The following EYS variants were observed in gnomAD, a reference collection of about 807,000 sequenced individuals.
The protein encoded by EYS is protein eyes shut homolog.
A neutral mutation model predicts 282.1 loss-of-function variants in EYS; 250 were observed. The observed-to-expected ratio is 0.89, with a 90% CI of 0.80 to 0.98. EYS has a LOEUF of 0.98. Among genes scored for constraint, EYS ranks in the 50% least tolerant of loss-of-function variants. The pLI, the probability that EYS is intolerant of heterozygous loss-of-function variation, is 0.00. For missense variants in EYS, 4,016 were observed against 3,709.0 expected, an observed-to-expected ratio of 1.08 and a Z score of -2.15; for synonymous variants, 1,355 against 1,282.9, an observed-to-expected ratio of 1.06 and a Z score of -1.20.
intron 18 of EYS, among the ~76,000 whole-genome samples, chr6:64,898,585 C>T (rs1455707210): frequency 6.6e-6 from 1 of 151,854 alleles, no homozygotes; most frequent in Non-Finnish European, 1.5e-5. Context: ...ATGACAGGAT[C>T]AAATTAAACA....
chr6:65,319,301 A>C (rs1473466860), intron 11 of EYS, among the ~76,000 whole-genome samples: 1 of 150,326 alleles, frequency 6.7e-6, no homozygotes, highest in Non-Finnish European at 1.5e-5. Context: ...AATCTCTTTA[A>C]CCCAGGAAGC....
At chr6:64,756,832 T>C (rs1322059016) in intron 22 of EYS, among the ~76,000 whole-genome samples, 1 of 150,222 alleles carries the variant, frequency 6.7e-6, no homozygotes, top group Non-Finnish European at 1.5e-5. Context: ...AAAATAACAA[T>C]AACAAATCAA....
At chr6:64,167,090 A>G (rs1427386130) in intron 31 of EYS, among the ~76,000 whole-genome samples, 1 of 152,244 alleles carries the variant, frequency 6.6e-6, no homozygotes, top group Non-Finnish European at 1.5e-5. Context: ...CTTTGATAGA[A>G]GAAGTGAGAA....
At chr6:65,614,841 T>G (rs1338873612) in intron 2 of EYS, among the ~76,000 whole-genome samples, 1 of 150,822 alleles carries the variant, frequency 6.6e-6, no homozygotes, top group Non-Finnish European at 1.5e-5. Context: ...TCAAATACAA[T>G]CTATGCATAT....
At chr6:64,056,769 G>C (rs1246280019) in intron 33 of EYS, among the ~76,000 whole-genome samples, 1 of 152,178 alleles carries the variant, frequency 6.6e-6, no homozygotes, top group East Asian at 1.9e-4. Context: ...GGTGGGAGCT[G>C]TACTTAGGTG....
rs566912245 is a variant in EYS, at chr6:63,998,482, A to T, written c.6834+593T>A. ...TAATTATACAGATTAATTCTCCATG[A>T]TGATCAAATGAACTAGGAATTTTTA... On this transcript the variant is annotated intron_variant, in intron 34 of 42. Coordinates refer to ENST00000503581, the MANE Select transcript of EYS (RefSeq NM_001142800.2). Among the ~76,000 whole-genome samples the T allele has an allele frequency of 7.2e-5, 11 of 152,352 alleles. 1 individual carries two copies. In the South Asian group the frequency reaches 2.1e-3, roughly 29 times the overall value.
At chr6:64,115,408 T>C (rs75095617) in intron 31 of EYS, among the ~76,000 whole-genome samples, 2 of 152,174 alleles carry the variant, frequency 1.3e-5, no homozygotes, top group Admixed American at 6.5e-5. Flanking sequence ...AGCATGCTCA[T>C]AAGCTGGACC....
intron 2 of EYS, among the ~76,000 whole-genome samples, chr6:65,605,394 T>G (rs1765750855): frequency 6.6e-6 from 1 of 151,888 alleles, no homozygotes; most frequent in Non-Finnish European, 1.5e-5. Context: ...GAAAATAAAT[T>G]ATAATACACA....
chr6:63,968,657 A>G (rs1766416119), intron 35 of EYS, among the ~76,000 whole-genome samples: 1 of 152,168 alleles, frequency 6.6e-6, no homozygotes, highest in South Asian at 2.1e-4. Flanking sequence ...AAGGCAGAAT[A>G]TTTCAGAGGT....
In EYS at chr6:65,330,480, T is replaced by TAGCTCATTAAA; in HGVS notation, c.1766+4499_1766+4500insTTTAATGAGCT. ...CAATATGGCTGGTATGATTTAGTCT[T>TAGCTCATTAAA]TGGCTCATTAAACATTTTATAAACC... On this transcript the variant is annotated intron_variant, in intron 11 of 42. Transcript: ENST00000503581. 3.0e-6 allele frequency: 3 copies of TAGCTCATTAAA among 984,416 alleles called. No homozygotes were observed. The South Asian group carries it at 1.4e-4, about 46-fold the overall frequency. The allele number at this position is 984,416 out of a possible 1,614,324, so 61.0% of individuals were successfully genotyped here. A position where few individuals can be genotyped will look rare whatever the true frequency, so the allele number is the denominator to read the frequency against.
chr6:63,936,830 T>C (rs753805285), intron 35 of EYS, among the ~76,000 whole-genome samples: 1 of 152,228 alleles, frequency 6.6e-6, no homozygotes, highest in Non-Finnish European at 1.5e-5. Context: ...TTCAGGTATC[T>C]TTCTGCGTGT....
At chr6:63,804,687 C>T (rs147746141) in intron 37 of EYS, among the ~76,000 whole-genome samples, 273 of 152,262 alleles carry the variant, frequency 1.8e-3, no homozygotes, top group African/African-American at 6.1e-3. Context: ...GGATCTGATC[C>T]TGAAGGCCCT....
chr6:64,057,100 G>T (rs563762542), intron 33 of EYS, among the ~76,000 whole-genome samples: 4 of 152,136 alleles, frequency 2.6e-5, no homozygotes, highest in Non-Finnish European at 5.9e-5. Context: ...AATGTTAAAA[G>T]TCTTTGTTCT....
At chr6:65,153,314 C>A (rs889347661) in intron 12 of EYS, among the ~76,000 whole-genome samples, 2 of 150,712 alleles carry the variant, frequency 1.3e-5, no homozygotes, top group Non-Finnish European at 3.0e-5. Context: ...GCAAAGGACT[C>A]AATTGATCTG....
intron 14 of EYS, among the ~76,000 whole-genome samples, chr6:64,964,910 G>C (rs1770043697): frequency 6.6e-6 from 1 of 151,988 alleles, no homozygotes; most frequent in Non-Finnish European, 1.5e-5. Context: ...GCATACACCT[G>C]TAATCCCAGC....
chr6:64,350,023 G>C (rs944032399), intron 29 of EYS, among the ~76,000 whole-genome samples: 1 of 151,456 alleles, frequency 6.6e-6, no homozygotes, highest in Non-Finnish European at 1.5e-5. Flanking sequence ...GGAGATTCTA[G>C]TGTGTTGACA....
chr6:65,319,677 G>GA (rs1379698627), intron 11 of EYS, among the ~76,000 whole-genome samples: 1 of 152,132 alleles, frequency 6.6e-6, no homozygotes, highest in Non-Finnish European at 1.5e-5. Flanking sequence ...AGTATTTGTT[G>GA]AATCAGTGAT....
At chr6:64,580,079 T>C (rs986978456) in intron 26 of EYS, among the ~76,000 whole-genome samples, 1 of 152,146 alleles carries the variant, frequency 6.6e-6, no homozygotes, top group African/African-American at 2.4e-5. Flanking sequence ...TTTTATAGCT[T>C]ATGTTGCTCT....
chr6:65,427,931 A>T (rs1251663933), intron 5 of EYS, among the ~76,000 whole-genome samples: 1 of 152,112 alleles, frequency 6.6e-6, no homozygotes, highest in Non-Finnish European at 1.5e-5. Context: ...ACAAAAGTAT[A>T]CATGATACAT....
Sources: gnomAD v4.1 joint callset for allele counts (sites outside exome capture counted in the v4.1 genomes callset) on GRCh38, gnomAD v4.1.1 for gene constraint, MANE v1.5 for transcripts, NCBI Gene and HGNC (gene_info 2026-07-23, HGNC 2026-07-21) for gene names.